The following PACRG variants were observed in gnomAD, a reference collection of about 807,000 sequenced individuals.
PACRG encodes the protein parkin coregulated.
Under a neutral mutation model 29.7 loss-of-function variants are expected in PACRG, and 29 were observed. That is an observed-to-expected ratio of 0.98 (90% confidence interval 0.73 to 1.33). The LOEUF (loss-of-function observed/expected upper bound fraction) is 1.33, where lower values mean the gene tolerates loss of function less well. PACRG is among the 40% of genes most tolerant of loss of function. PACRG has a pLI of 0.00. For synonymous variants in PACRG, 116 were observed against 118.7 expected (o/e 0.98, Z 0.15); for missense variants, 279 against 316.2 (o/e 0.88, Z 0.89).
At chr6:162,759,102 C>T (rs928450826) in intron 1 of PACRG, among the ~76,000 whole-genome samples, 1 of 152,178 alleles carries the variant, frequency 6.6e-6, no homozygotes, top group Non-Finnish European at 1.5e-5. Flanking sequence ...GGTGGAGGAA[C>T]ATTCATCTGA....
intron 4 of PACRG, among the ~76,000 whole-genome samples, chr6:163,249,103 A>C (rs1019584127): frequency 6.6e-6 from 1 of 151,830 alleles, no homozygotes; most frequent in East Asian, 1.9e-4. Flanking sequence ...TTAAGTTTTC[A>C]ATTTATAGTG....
chr6:163,071,032 C>T (rs1394922031), intron 3 of PACRG, among the ~76,000 whole-genome samples: 1 of 151,972 alleles, frequency 6.6e-6, no homozygotes, highest in African/African-American at 2.4e-5. Flanking sequence ...TACTGGAGCA[C>T]CCAGATAGGT....
In PACRG at chr6:162,853,963, A is replaced by G. The variant is rs910702934; in HGVS notation, c.291+39682A>G. ...GGTATAAATATTAACTATTATTATT[A>G]ATATCATTAGTATCATTATACATTT... On this transcript the variant is annotated intron_variant, in intron 2 of 4. Transcript: ENST00000366888. This position sits in a 1 kb window ranked among gnomAD's most constrained non-coding sequence, Gnocchi z 4.7. Among the ~76,000 whole-genome samples the G allele has an allele frequency of 6.6e-6, 1 of 152,086 alleles. No homozygotes were observed. Among genetic ancestry groups the G allele is most frequent in the Non-Finnish European group, 1.5e-5 (1 of 68,014 alleles).
chr6:163,061,690 T>C (rs897685188), intron 2 of PACRG, among the ~76,000 whole-genome samples: 1 of 152,218 alleles, frequency 6.6e-6, no homozygotes, highest in Non-Finnish European at 1.5e-5. Context: ...AGAAGGCATA[T>C]GCCTCCCAGG....
At chr6:163,145,906 T>G (rs910608913) in intron 4 of PACRG, among the ~76,000 whole-genome samples, 9 of 152,246 alleles carry the variant, frequency 5.9e-5, no homozygotes, top group Admixed American at 3.9e-4. Context: ...TGAGAGGCGG[T>G]GAGGAGAGAG....
chr6:163,163,743 G>A (rs1036728049), intron 4 of PACRG, among the ~76,000 whole-genome samples: 17 of 152,108 alleles, frequency 1.1e-4, no homozygotes, highest in Admixed American at 8.5e-4. Flanking sequence ...ATTAAATATT[G>A]AGATTATTAA....
intron 2 of PACRG, among the ~76,000 whole-genome samples, chr6:162,896,599 G>A (rs1795185532): frequency 6.6e-6 from 1 of 152,178 alleles, no homozygotes; most frequent in Admixed American, 6.5e-5. Context: ...GGAAGGTTGT[G>A]TTCTCATCAA....
chr6:162,761,005 G>C (rs187232820), intron 1 of PACRG, among the ~76,000 whole-genome samples: 2 of 152,244 alleles, frequency 1.3e-5, no homozygotes, highest in East Asian at 3.9e-4. Flanking sequence ...GGCCGGGCAG[G>C]GTCTAGGGAT....
intron 4 of PACRG, among the ~76,000 whole-genome samples, chr6:163,302,335 G>A (rs1414664819): frequency 6.6e-6 from 1 of 151,564 alleles, no homozygotes; most frequent in African/African-American, 2.4e-5. Flanking sequence ...TATCAGGCAA[G>A]CTCAAGCATT....
intron 4 of PACRG, among the ~76,000 whole-genome samples, chr6:163,180,457 C>T (rs892541791): frequency 1.3e-5 from 2 of 151,912 alleles, no homozygotes; most frequent in African/African-American, 4.8e-5. Context: ...GTATGGAAAA[C>T]ACTGCTAAAA....
At chr6:163,127,862 C>T (rs1363902251) in intron 4 of PACRG, among the ~76,000 whole-genome samples, 4 of 152,094 alleles carry the variant, frequency 2.6e-5, no homozygotes, top group Admixed American at 2.0e-4. Flanking sequence ...ATTAACAGAT[C>T]CAGTGGAAAT....
chr6:163,234,436 C>A (rs543861035), intron 4 of PACRG, among the ~76,000 whole-genome samples: 1 of 152,162 alleles, frequency 6.6e-6, no homozygotes, highest in Non-Finnish European at 1.5e-5. Flanking sequence ...AGCTCCCCTT[C>A]GTCTTCCACA....
At chr6:162,927,840 A>C (rs1314215358) in intron 2 of PACRG, among the ~76,000 whole-genome samples, 3 of 152,074 alleles carry the variant, frequency 2.0e-5, no homozygotes, top group Non-Finnish European at 2.9e-5. Flanking sequence ...CAAAAAAATG[A>C]AACATTCTTG....
rs1319447650 is a variant in PACRG, at chr6:163,162,261, G to T, written c.613+72853G>T. Among the ~76,000 whole-genome samples the T allele has an allele frequency of 2.0e-5, 3 of 152,190 alleles. No homozygotes were observed. The South Asian group carries it at 6.2e-4, about 32-fold the overall frequency. On this transcript the variant is annotated intron_variant, in intron 4 of 4. Coordinates refer to ENST00000366888, the MANE Select transcript of PACRG (RefSeq NM_001080379.2). ...GAAGTGTGGTCAGGGAGAGGCAGCT[G>T]CAGGTGATCTTGGAAATCAATGCTC... is the stretch of plus-strand genomic sequence containing the variant.
intron 3 of PACRG, among the ~76,000 whole-genome samples, chr6:163,082,457 C>T (rs1585171865): frequency 1.3e-5 from 2 of 152,112 alleles, no homozygotes. Flanking sequence ...AGATTGAATT[C>T]TGATCTATTA....
intron 4 of PACRG, among the ~76,000 whole-genome samples, chr6:163,314,353 G>T (rs180836534): frequency 6.6e-6 from 1 of 152,344 alleles, no homozygotes; most frequent in African/African-American, 2.4e-5. Context: ...TGGGATTCAG[G>T]AGAAAGAGTT....
At chr6:163,166,047 C>T in intron 4 of PACRG, 1 of 453,634 alleles carries the variant, frequency 2.2e-6, no homozygotes, top group Non-Finnish European at 4.4e-6. Flanking sequence ...CATCTAAATC[C>T]GAGTGTAATG....
chr6:163,104,979 T>A (rs1815302517), intron 4 of PACRG, among the ~76,000 whole-genome samples: 1 of 152,166 alleles, frequency 6.6e-6, no homozygotes, highest in Non-Finnish European at 1.5e-5. Flanking sequence ...TAATTCAAAA[T>A]AAGGCACTAA....
chr6:162,939,620 C>G (rs557073848), intron 2 of PACRG, among the ~76,000 whole-genome samples: 9 of 151,930 alleles, frequency 5.9e-5, no homozygotes, highest in African/African-American at 2.2e-4. Flanking sequence ...CCTCCTTTCT[C>G]CTATTCTTTG....
Sources: gnomAD v4.1 joint callset for allele counts (sites outside exome capture counted in the v4.1 genomes callset) on GRCh38, gnomAD v4.1.1 for gene constraint, Gnocchi (gnomAD v3.1) non-coding constraint, MANE v1.5 for transcripts, NCBI Gene and HGNC (gene_info 2026-07-23, HGNC 2026-07-21) for gene names.